NFIX: variants seen among roughly 807,000 people sequenced by gnomAD.
NFIX encodes the protein nuclear factor I X.
NFIX carries 2 observed loss-of-function variants against 53.3 expected under a neutral mutation model. That is an observed-to-expected ratio of 0.04 (90% CI 0.02 to 0.12). The LOEUF (loss-of-function observed/expected upper bound fraction) is 0.12. NFIX is among the 10% of genes least tolerant of loss of function. The pLI is 1.00. For synonymous variants in NFIX, 244 were observed against 289.0 expected (o/e 0.84, Z 1.58); for missense variants, 310 against 674.5 (o/e 0.46, Z 5.99).
chr19:13,094,747 G>T lies in NFIX; in HGVS notation c.*98G>T. Reference sequence around the variant, plus strand: ...TGGAAAAATCCCCCAGCCCAGCCCAGCCCCACCGAAAAGCAAAAATTACAC... The same window carrying T: ...TGGAAAAATCCCCCAGCCCAGCCCATCCCCACCGAAAAGCAAAAATTACAC... On this transcript the variant is annotated 3_prime_UTR_variant, in exon 11 of 11. Coordinates refer to ENST00000592199, the MANE Select transcript of NFIX (RefSeq NM_001365902.3). The surrounding 1 kb of genome is among the most constrained non-coding windows in gnomAD (Gnocchi z 4.3). 7.4e-7 allele frequency: 1 copy of T among 1,354,222 alleles called. No homozygotes were observed. The highest frequency in any genetic ancestry group is 1.0e-6 in the Non-Finnish European group (1 of 988,450). The allele number at this position is 1,354,222 out of a possible 1,614,324, so 83.9% of individuals were successfully genotyped here. A position where few individuals can be genotyped will look rare whatever the true frequency, so the allele number is the denominator to read the frequency against.
In NFIX at chr19:13,094,295, C is replaced by G. The variant is rs929939402; in HGVS notation, c.1495-340C>G. ...CTGGCATCTTCCCCACCCTCCAGGA[C>G]CCACACAAAAACCTAAACAATTGGA... On this transcript the variant is annotated intron_variant, in intron 10 of 10. Coordinates refer to ENST00000592199, the MANE Select transcript of NFIX (RefSeq NM_001365902.3). This position sits in a 1 kb window ranked among gnomAD's most constrained non-coding sequence, Gnocchi z 4.3. Among the ~76,000 whole-genome samples, 5 of 152,204 alleles carry G rather than the reference C, an allele frequency of 3.3e-5. No homozygotes were observed. The highest frequency in any genetic ancestry group is 1.2e-4 in the African/African-American group (5 of 41,460).
intron 5 of NFIX, among the ~76,000 whole-genome samples, chr19:13,074,597 TG>T (rs2016961974): frequency 8.2e-6 from 1 of 122,574 alleles, no homozygotes; most frequent in Non-Finnish European, 1.7e-5. Flanking sequence ...AAGGCTAGAG[TG>T]GGGGAGGGCC....
At chr19:13,055,190 T>C (rs931487225) in intron 2 of NFIX, among the ~76,000 whole-genome samples, 4 of 151,850 alleles carry the variant, frequency 2.6e-5, no homozygotes, top group Non-Finnish European at 4.4e-5. Flanking sequence ...TGTGCCCTCC[T>C]GGGCCCCATC....
In NFIX at chr19:12,996,692, C is replaced by A. The variant is rs996807254; in HGVS notation, c.27+828C>A. ...GCAGGCCTGGGGAATCCCGTCCCGT[C>A]GCCTGGAGGCGGGAGGGGCGGGAGG... On this transcript the variant is annotated intron_variant, in intron 1 of 10. Coordinates refer to ENST00000592199, the MANE Select transcript of NFIX (RefSeq NM_001365902.3). The surrounding 1 kb of genome is among the most constrained non-coding windows in gnomAD (Gnocchi z 5.2). Among the ~76,000 whole-genome samples, 1 of 152,196 alleles carries A rather than the reference C, an allele frequency of 6.6e-6. No individual in the cohort carries two copies. Among genetic ancestry groups the A allele is most frequent in the East Asian group, 1.9e-4 (1 of 5,192 alleles).
chr19:13,090,179 C>A lies in NFIX; in HGVS notation c.1403-120C>A. Reference sequence around the variant, plus strand: ...CTGGCCCATCCTTCCCACTGCCAGCCTAAACTCGGGCAGCATGGTCTAACT... The same window carrying A: ...CTGGCCCATCCTTCCCACTGCCAGCATAAACTCGGGCAGCATGGTCTAACT... On this transcript the variant is annotated intron_variant, in intron 9 of 10. Transcript: ENST00000592199. The surrounding 1 kb of genome is among the most constrained non-coding windows in gnomAD (Gnocchi z 6.6). 1.1e-6 allele frequency: 1 copy of A among 951,450 alleles called. No homozygotes were observed. Among genetic ancestry groups the A allele is most frequent in the Non-Finnish European group, 1.7e-6 (1 of 594,316 alleles). The allele number at this position is 951,450 out of a possible 1,614,324, so 58.9% of individuals were successfully genotyped here. A position where few individuals can be genotyped will look rare whatever the true frequency, so the allele number is the denominator to read the frequency against.
intron 2 of NFIX, among the ~76,000 whole-genome samples, chr19:13,050,406 C>T (rs975404108): frequency 2.0e-5 from 3 of 152,240 alleles, no homozygotes; most frequent in African/African-American, 4.8e-5. Flanking sequence ...CACTTCTCAT[C>T]CTCTGAGGCC....
chr19:13,035,725 A>G (rs990681415), intron 2 of NFIX, among the ~76,000 whole-genome samples: 5 of 152,176 alleles, frequency 3.3e-5, no homozygotes, highest in Non-Finnish European at 7.3e-5. Context: ...TCGCAGATCC[A>G]TGTTAGTTCT....
intron 5 of NFIX, among the ~76,000 whole-genome samples, chr19:13,074,548 G>A (rs1044912641): frequency 5.3e-5 from 8 of 151,980 alleles, no homozygotes; most frequent in African/African-American, 1.7e-4. Context: ...GCAACAGTGT[G>A]TGTGGGCGGG....
Position 13,009,002 on chromosome 19 carries a change from G to C in NFIX, c.27+13138G>C, listed in dbSNP as rs1310641667. On this transcript the variant is annotated intron_variant, in intron 1 of 10. Transcript: ENST00000592199. The surrounding 1 kb of genome is among the most constrained non-coding windows in gnomAD (Gnocchi z 4.7). ...TCCTCACCGAGGTAGATTTGCGGGG[G>C]TCTCCCAGTCCCAGTCCCACACACT... 3.3e-5 allele frequency among the ~76,000 whole-genome samples: 5 copies of C among 152,162 alleles called. No homozygotes were observed. The highest frequency in any genetic ancestry group is 5.9e-5 in the Non-Finnish European group (4 of 68,026).
intron 1 of NFIX, among the ~76,000 whole-genome samples, chr19:13,018,469 C>T (rs1352678171): frequency 1.3e-5 from 2 of 151,960 alleles, no homozygotes; most frequent in African/African-American, 4.8e-5. Flanking sequence ...AAAGAAACTG[C>T]GCAGAGCCGC....
intron 2 of NFIX, among the ~76,000 whole-genome samples, chr19:13,046,109 A>G (rs2014966721): frequency 6.6e-6 from 1 of 152,112 alleles, no homozygotes; most frequent in African/African-American, 2.4e-5. Context: ...TCCTTCCACC[A>G]TTCATTCCTG....
At chr19:12,999,169 C>T (rs74405480) in intron 1 of NFIX, among the ~76,000 whole-genome samples, 2,997 of 151,818 alleles carry the variant, frequency 0.02, 108 homozygotes, top group African/African-American at 0.07. Flanking sequence ...AATAACTTTT[C>T]TTTTTCTATT....
In NFIX at chr19:13,001,948, C is replaced by T. The variant is rs1242526940; in HGVS notation, c.27+6084C>T. 1.3e-5 allele frequency among the ~76,000 whole-genome samples: 2 copies of T among 152,192 alleles called. No homozygotes were observed. Among genetic ancestry groups the T allele is most frequent in the East Asian group, 1.9e-4 (1 of 5,176 alleles). On this transcript the variant is annotated intron_variant, in intron 1 of 10. Coordinates refer to ENST00000592199, the MANE Select transcript of NFIX (RefSeq NM_001365902.3). This position sits in a 1 kb window ranked among gnomAD's most constrained non-coding sequence, Gnocchi z 6.5. ...AAGCCCGTTGTGCGGCAGCGAGGTG[C>T]GGGCGTGTGTTCGGGCCGCCCACAG...
chr19:13,052,077 C>T lies in NFIX; in HGVS notation c.560-20970C>T, dbSNP rs11881245. ...TCTGCTTGCAGGATTTGGGACCAAA[C>T]GCCCTCAGGCATCCAGGTGGTGCCC... is the stretch of plus-strand genomic sequence containing the variant. On this transcript the variant is annotated intron_variant, in intron 2 of 10. Coordinates refer to ENST00000592199, the MANE Select transcript of NFIX (RefSeq NM_001365902.3). This position sits in a 1 kb window ranked among gnomAD's most constrained non-coding sequence, Gnocchi z 5.2. Among the ~76,000 whole-genome samples, 5 of 152,190 alleles carry T rather than the reference C, an allele frequency of 3.3e-5. No homozygotes were observed. The highest frequency in any genetic ancestry group is 2.6e-4 in the Admixed American group (4 of 15,284).
intron 2 of NFIX, among the ~76,000 whole-genome samples, chr19:13,053,842 G>C (rs1041470608): frequency 6.6e-6 from 1 of 152,094 alleles, no homozygotes; most frequent in African/African-American, 2.4e-5. Flanking sequence ...CAGACAGGAG[G>C]GGGTGGTGTG....
chr19:13,062,966 G>A (rs1295248848), intron 2 of NFIX, among the ~76,000 whole-genome samples: 4 of 152,210 alleles, frequency 2.6e-5, no homozygotes, highest in African/African-American at 7.2e-5. Flanking sequence ...AATTGAAGTC[G>A]GTGGGTTCTA....
In NFIX at chr19:13,097,388, T is replaced by C. The variant is rs996191190; in HGVS notation, c.*2739T>C. On this transcript the variant is annotated 3_prime_UTR_variant, in exon 11 of 11. Coordinates refer to ENST00000592199, the MANE Select transcript of NFIX (RefSeq NM_001365902.3). The stretch of plus-strand genomic sequence containing the variant: ...GACGAGAGAAAAATTATTTTTAAGA[T>C]AATTAAACATAAAACCCTGGTGCTT... The C allele has an allele frequency of 6.6e-6, 1 of 152,628 alleles. No individual in the cohort carries two copies. The highest frequency in any genetic ancestry group is 1.5e-5 in the Non-Finnish European group (1 of 68,022). The allele number at this position is 152,628 out of a possible 1,614,324, so 9.5% of individuals were successfully genotyped here.
In NFIX at chr19:12,996,372, G is replaced by C. The variant is rs1269579558; in HGVS notation, c.27+508G>C. Among the ~76,000 whole-genome samples the C allele has an allele frequency of 6.6e-6, 1 of 152,086 alleles. No individual in the cohort carries two copies. The highest frequency in any genetic ancestry group is 2.4e-5 in the African/African-American group (1 of 41,432). On this transcript the variant is annotated intron_variant, in intron 1 of 10. Transcript: ENST00000592199. The surrounding 1 kb of genome is among the most constrained non-coding windows in gnomAD (Gnocchi z 5.2). ...GCAGCGGTTCCCGAGGGTGGCAGTG[G>C]CCGGCGTGCGTGGCGGCGGCCCTTG...
chr19:13,024,060 T>C, intron 1 of NFIX: 1 of 1,389,412 alleles, frequency 7.2e-7, no homozygotes, highest in Non-Finnish European at 9.8e-7. Context: ...TTTCCAGTTT[T>C]ATTTTTGTAA....
Sources: allele counts gnomAD v4.1 joint callset (sites outside exome capture counted in the v4.1 genomes callset), GRCh38; gene constraint gnomAD v4.1.1; non-coding constraint Gnocchi (gnomAD v3.1); transcripts MANE v1.5; gene names NCBI Gene and HGNC (gene_info 2026-07-23, HGNC 2026-07-21).